PRKG1: variants seen among roughly 807,000 people sequenced by gnomAD.
PRKG1 encodes the protein protein kinase cGMP-dependent 1.
PRKG1 carries 35 observed loss-of-function variants against 88.1 expected under a neutral mutation model. The ratio of observed to expected loss-of-function variants is 0.40; its 90% CI spans 0.30 to 0.53. The LOEUF is 0.53. Ranked by LOEUF, PRKG1 falls within the 20% of genes least tolerant of loss-of-function variation. The pLI is 0.59. For synonymous variants in PRKG1, 303 were observed against 292.5 expected (o/e 1.04, Z -0.37); for missense variants, 540 against 839.8 (o/e 0.64, Z 4.41).
rs1347586205 is a variant in PRKG1 at position 51,291,274 on chromosome 10, GGT to G, written c.478+137945_478+137946del. ...GACTGAAGCCAAAAGTTAATTTAGT[GGT>G]TTTCCTACCTGTAGAATATGAGGAC... is the stretch of plus-strand genomic sequence containing the variant. On this transcript the variant is annotated intron_variant, in intron 2 of 17. Coordinates refer to ENST00000373980, the MANE Select transcript of PRKG1 (RefSeq NM_006258.4). Among the ~76,000 whole-genome samples the G allele has an allele frequency of 2.0e-5, 3 of 152,210 alleles. No homozygotes were observed. In the East Asian group the frequency reaches 5.8e-4, roughly 29 times the overall value.
Position 52,298,119 on chromosome 10 carries a change from T to C in PRKG1, c.*4219T>C, listed in dbSNP as rs1842417830. 1 of 152,146 alleles carries C rather than the reference T, an allele frequency of 6.6e-6. No individual in the cohort carries two copies. 9.4% of individuals were successfully genotyped at this position (152,146 alleles called of 1,614,324 possible). The stretch of plus-strand genomic sequence containing the variant: ...TCTTTTGTATTCTTACAGCTATGGT[T>C]ATTTGATTGTCCTCTTACAATTTGT... On this transcript the variant is annotated 3_prime_UTR_variant, in exon 18 of 18. Coordinates refer to ENST00000373980, the MANE Select transcript of PRKG1 (RefSeq NM_006258.4).
intron 2 of PRKG1, among the ~76,000 whole-genome samples, chr10:51,248,929 G>T (rs965018293): frequency 6.6e-5 from 10 of 151,700 alleles, no homozygotes; most frequent in African/African-American, 2.4e-4. Flanking sequence ...ATGTTAATTG[G>T]CCTGAGAAAT....
At chr10:51,245,688 A>T (rs573637003) in intron 2 of PRKG1, 5 of 152,236 alleles carry the variant, frequency 3.3e-5, no homozygotes, top group Admixed American at 2.6e-4. Context: ...CCAATATTTG[A>T]CCTAAAAGTG....
chr10:51,899,323 C>T (rs1163215866), intron 4 of PRKG1, among the ~76,000 whole-genome samples: 1 of 151,558 alleles, frequency 6.6e-6, no homozygotes, highest in African/African-American at 2.4e-5. Context: ...TATATTGTAA[C>T]ATAAAGTCTA....
intron 14 of PRKG1, 102 bp from the exon 15 acceptor site, chr10:52,288,624 C>A: frequency 7.9e-7 from 1 of 1,259,708 alleles, no homozygotes; most frequent in South Asian, 1.8e-5. Context: ...AATCTAAGCC[C>A]CCAAATATGA....
chr10:52,158,542 C>T (rs1251108871), intron 8 of PRKG1, among the ~76,000 whole-genome samples: 1 of 151,516 alleles, frequency 6.6e-6, no homozygotes, highest in South Asian at 2.1e-4. Context: ...ATCAAGATGT[C>T]TTAAATTACT....
At chr10:51,327,079 C>T (rs564426283) in intron 2 of PRKG1, among the ~76,000 whole-genome samples, 1 of 152,124 alleles carries the variant, frequency 6.6e-6, no homozygotes, top group South Asian at 2.1e-4. Context: ...TATAACCTAG[C>T]TCCCAAAAAG....
intron 9 of PRKG1, among the ~76,000 whole-genome samples, chr10:52,192,429 A>G (rs1325871186): frequency 4.6e-5 from 7 of 152,116 alleles, no homozygotes; most frequent in Admixed American, 4.6e-4. Flanking sequence ...TAAAATAAAT[A>G]TATTATTTAA....
At chr10:51,514,873 A>C (rs766211467) in intron 3 of PRKG1, among the ~76,000 whole-genome samples, 7 of 152,116 alleles carry the variant, frequency 4.6e-5, no homozygotes, top group Non-Finnish European at 8.8e-5. Flanking sequence ...CTTTTACATA[A>C]ATCTGAGTTT....
At chr10:51,531,392 T>C (rs1842012075) in intron 3 of PRKG1, among the ~76,000 whole-genome samples, 1 of 152,146 alleles carries the variant, frequency 6.6e-6, no homozygotes, top group Non-Finnish European at 1.5e-5. Context: ...AGGTACATAA[T>C]ACTGAAGCTC....
chr10:52,130,746 A>G (rs1438194444), intron 7 of PRKG1, among the ~76,000 whole-genome samples: 1 of 152,176 alleles, frequency 6.6e-6, no homozygotes, highest in Non-Finnish European at 1.5e-5. Context: ...CCTGCCCATT[A>G]TGTTCATTTC....
chr10:51,793,989 C>T (rs1474211493), intron 3 of PRKG1, among the ~76,000 whole-genome samples: 2 of 151,998 alleles, frequency 1.3e-5, no homozygotes, highest in African/African-American at 4.8e-5. Context: ...GTCTCAAACC[C>T]CTGACCTCAG....
intron 1 of PRKG1, chr10:51,063,051 T>A (rs924968511): frequency 4.6e-5 from 7 of 152,346 alleles, no homozygotes; most frequent in African/African-American, 1.7e-4. Context: ...TGAAGCACAG[T>A]TTTAGAGAAA....
Position 51,712,841 on chromosome 10 carries a change from G to A in PRKG1, c.593-91744G>A, listed in dbSNP as rs369964252. On this transcript the variant is annotated intron_variant, in intron 3 of 17. Coordinates refer to ENST00000373980, the MANE Select transcript of PRKG1 (RefSeq NM_006258.4). The stretch of plus-strand genomic sequence containing the variant: ...CCTGACCTCATGATCCACCTGCCTC[G>A]AATTATTTAATCCTCATCCTCACAT... 8.6e-5 allele frequency among the ~76,000 whole-genome samples: 13 copies of A among 151,916 alleles called. No homozygotes were observed. In the South Asian group the frequency reaches 1.2e-3, roughly 15 times the overall value.
At chr10:51,671,465 C>T (rs779272339) in intron 3 of PRKG1, among the ~76,000 whole-genome samples, 2 of 152,142 alleles carry the variant, frequency 1.3e-5, no homozygotes, top group Non-Finnish European at 2.9e-5. Flanking sequence ...TTTCTTTTTG[C>T]CAGCAATCCT....
At chr10:50,995,913 G>A (rs995622189) in intron 1 of PRKG1, among the ~76,000 whole-genome samples, 1 of 152,176 alleles carries the variant, frequency 6.6e-6, no homozygotes, top group Non-Finnish European at 1.5e-5. Flanking sequence ...GATGCCTTGG[G>A]ATGGATGCCC....
chr10:51,805,634 A>T (rs1839285346), intron 4 of PRKG1, among the ~76,000 whole-genome samples: 2 of 152,072 alleles, frequency 1.3e-5, no homozygotes, highest in Admixed American at 1.3e-4. Flanking sequence ...GTTAAAATGA[A>T]GCTAAAAAGT....
intron 1 of PRKG1, among the ~76,000 whole-genome samples, chr10:51,140,220 G>C (rs1327336292): frequency 6.6e-6 from 1 of 152,094 alleles, no homozygotes; most frequent in Non-Finnish European, 1.5e-5. Context: ...CACCCTTTCT[G>C]TGACCTTTAA....
intron 2 of PRKG1, among the ~76,000 whole-genome samples, chr10:51,176,982 T>A (rs917673396): frequency 3.9e-5 from 6 of 151,966 alleles, no homozygotes; most frequent in African/African-American, 1.5e-4. Context: ...GTCATTTTTT[T>A]AAGAGTGAAG....
Sources: allele counts gnomAD v4.1 joint callset (sites outside exome capture counted in the v4.1 genomes callset), GRCh38; gene constraint gnomAD v4.1.1; transcripts MANE v1.5; gene names NCBI Gene and HGNC (gene_info 2026-07-23, HGNC 2026-07-21).